RSU1: variants seen among roughly 807,000 people sequenced by gnomAD.
RSU1 encodes Ras suppressor protein 1, also known as rsu-1.
Under a neutral mutation model 31.1 loss-of-function variants are expected in RSU1, and 26 were observed. The ratio of observed to expected loss-of-function variants is 0.84; its 90% confidence interval spans 0.61 to 1.16. RSU1 has a LOEUF of 1.16. Among genes scored for constraint, RSU1 ranks in the 50% most tolerant of loss-of-function variants. RSU1 has a pLI of 0.00. For synonymous variants in RSU1, 164 were observed against 136.3 expected, an observed-to-expected ratio of 1.20 and a Z score of -1.41; for missense variants, 320 against 339.1, an observed-to-expected ratio of 0.94 and a Z score of 0.44.
At chr10:16,810,759 T>C (rs1290312980) in intron 2 of RSU1, among the ~76,000 whole-genome samples, 1 of 152,192 alleles carries the variant, frequency 6.6e-6, no homozygotes, top group African/African-American at 2.4e-5. Flanking sequence ...TAATAATGTT[T>C]CACTCAACAA....
Position 16,592,168 on chromosome 10 carries a change from G to T in RSU1, c.*1226C>A, listed in dbSNP as rs1162285918. 6.6e-6 allele frequency: 1 copy of T among 151,294 alleles called. No homozygotes were observed. The highest frequency in any genetic ancestry group is 6.6e-5 in the Admixed American group (1 of 15,244). 9.4% of individuals were successfully genotyped at this position (151,294 alleles called of 1,614,324 possible). ...ATTTTATATGCCCCAGTGGGTCCTG[G>T]TCTTGGGAGCTCAACTGGGAAGCCG... On this transcript the variant is annotated 3_prime_UTR_variant, in exon 9 of 9. Transcript: ENST00000345264.
rs1027974639 is a variant in RSU1, at chr10:16,591,663, G to A, written c.*1731C>T. The stretch of plus-strand genomic sequence containing the variant: ...CGATGATTGCTTCATGTTTCTGGGA[G>A]GTATTTCGTTCCTGTGCGTTTCTGG... On this transcript the variant is annotated 3_prime_UTR_variant, in exon 9 of 9. Transcript: ENST00000345264. 2 of 151,994 alleles carry A rather than the reference G, an allele frequency of 1.3e-5. No individual in the cohort carries two copies. The highest frequency in any genetic ancestry group is 4.8e-5 in the African/African-American group (2 of 41,372). The allele number at this position is 151,994 out of a possible 1,614,324, so 9.4% of individuals were successfully genotyped here. A position where few individuals can be genotyped will look rare whatever the true frequency, so the allele number is the denominator to read the frequency against.
At chr10:16,667,096 A>C (rs1475311015) in intron 8 of RSU1, among the ~76,000 whole-genome samples, 1 of 152,204 alleles carries the variant, frequency 6.6e-6, no homozygotes, top group East Asian at 1.9e-4. Flanking sequence ...ATTACCACTG[A>C]GTCATAAAGA....
intron 2 of RSU1, among the ~76,000 whole-genome samples, chr10:16,812,458 A>C (rs1838429384): frequency 1.3e-5 from 2 of 152,272 alleles, no homozygotes; most frequent in East Asian, 1.9e-4. Context: ...AAAAAACAAA[A>C]ATTAAAAAAC....
chr10:16,603,773 G>T (rs1833751162), intron 8 of RSU1, among the ~76,000 whole-genome samples: 2 of 152,174 alleles, frequency 1.3e-5, no homozygotes, highest in East Asian at 3.9e-4. Flanking sequence ...TGAAAAGAAA[G>T]AATCATTTTA....
intron 7 of RSU1, among the ~76,000 whole-genome samples, chr10:16,709,308 C>G (rs1427311823): frequency 6.6e-6 from 1 of 152,094 alleles, no homozygotes; most frequent in Non-Finnish European, 1.5e-5. Flanking sequence ...ATCCATGTAC[C>G]TACAAAGGAC....
chr10:16,782,737 G>T (rs1310343893), intron 2 of RSU1, among the ~76,000 whole-genome samples: 1 of 152,028 alleles, frequency 6.6e-6, no homozygotes, highest in African/African-American at 2.4e-5. Flanking sequence ...GTAAGATTAG[G>T]TTTGCTTAAA....
intron 8 of RSU1, among the ~76,000 whole-genome samples, chr10:16,689,649 C>T (rs147285630): frequency 1.3e-5 from 2 of 152,134 alleles, no homozygotes; most frequent in South Asian, 4.2e-4. Flanking sequence ...AAGAGGAATT[C>T]TCAGCTTTTA....
In RSU1 at chr10:16,691,788, G is replaced by GC. The variant is rs577897302; in HGVS notation, c.731+3234dup. 2.4e-3 allele frequency among the ~76,000 whole-genome samples: 341 copies of GC among 142,644 alleles called. 2 individuals are homozygous for GC. The highest frequency in any genetic ancestry group is 8.4e-3 in the African/African-American group (318 of 38,008). 93.6% of individuals were successfully genotyped at this position (142,644 alleles called of 152,430 possible). On this transcript the variant is annotated intron_variant, in intron 8 of 8. Transcript: ENST00000345264. ...TTCACTATGTCACCCAGGCTGGAGTGCAGTGGCGCCATCTATCTCAACTCA... is the reference window on the plus strand; with the variant it reads ...TTCACTATGTCACCCAGGCTGGAGTGCCAGTGGCGCCATCTATCTCAACTCA...
At chr10:16,779,160 C>CA (rs1205917099) in intron 3 of RSU1, among the ~76,000 whole-genome samples, 1 of 152,200 alleles carries the variant, frequency 6.6e-6, no homozygotes, top group African/African-American at 2.4e-5. Context: ...CCGCTGACTT[C>CA]AAAAACCCAT....
Position 16,735,097 on chromosome 10 carries a change from G to T in RSU1, c.598+17442C>A, listed in dbSNP as rs183586074. ...GAACACAAGAAAATTTATTTCTGTT[G>T]CTTAAGTCACCCAGTCTTTGGCACT... On this transcript the variant is annotated intron_variant, in intron 7 of 8. Coordinates refer to ENST00000345264, the MANE Select transcript of RSU1 (RefSeq NM_012425.4). Among the ~76,000 whole-genome samples the T allele has an allele frequency of 2.2e-3, 331 of 152,294 alleles. 2 individuals carry two copies. The highest frequency in any genetic ancestry group is 7.2e-3 in the African/African-American group (300 of 41,562).
chr10:16,597,101 A>G (rs1019186108), intron 8 of RSU1, among the ~76,000 whole-genome samples: 1 of 152,198 alleles, frequency 6.6e-6, no homozygotes, highest in Non-Finnish European at 1.5e-5. Flanking sequence ...GAGTGTAAGG[A>G]AAGAGTCTTG....
intron 8 of RSU1, among the ~76,000 whole-genome samples, chr10:16,604,295 G>A (rs542066241): frequency 7.2e-5 from 11 of 152,252 alleles, no homozygotes; most frequent in Admixed American, 2.0e-4. Context: ...AGACCAGTGC[G>A]CCTCGACTAT....
chr10:16,615,017 A>G (rs77494938), intron 8 of RSU1, among the ~76,000 whole-genome samples: 5 of 152,338 alleles, frequency 3.3e-5, no homozygotes, highest in Admixed American at 1.3e-4. Context: ...GATGGGATCA[A>G]ATTCACACAT....
intron 8 of RSU1, among the ~76,000 whole-genome samples, chr10:16,626,835 C>G (rs567569727): frequency 3.3e-5 from 5 of 152,090 alleles, no homozygotes; most frequent in Non-Finnish European, 7.4e-5. Flanking sequence ...GTTTGGATGC[C>G]AGATGTCTTT....
chr10:16,742,521 T>C (rs895755034), intron 7 of RSU1, among the ~76,000 whole-genome samples: 4 of 151,840 alleles, frequency 2.6e-5, no homozygotes, highest in South Asian at 2.1e-4. Flanking sequence ...ATATAGGAGA[T>C]GCCTCAAAGG....
At chr10:16,604,501 G>T (rs921725717) in intron 8 of RSU1, among the ~76,000 whole-genome samples, 3 of 152,080 alleles carry the variant, frequency 2.0e-5, no homozygotes, top group Admixed American at 1.3e-4. Flanking sequence ...ATCCACACCT[G>T]CACGGTCCAG....
intron 2 of RSU1, among the ~76,000 whole-genome samples, chr10:16,785,439 T>TACACATATATACATATATAC (rs1837761707): frequency 1.6e-5 from 2 of 128,382 alleles, no homozygotes; most frequent in Non-Finnish European, 3.1e-5. Flanking sequence ...TATATATATA[T>TACACATATATACATATATAC]ACACATATAT....
At chr10:16,669,544 G>A (rs1282995883) in intron 8 of RSU1, among the ~76,000 whole-genome samples, 1 of 152,052 alleles carries the variant, frequency 6.6e-6, no homozygotes, top group Non-Finnish European at 1.5e-5. Context: ...CTTCCTAACA[G>A]TGACACTCAT....
Sources: gnomAD v4.1 joint callset for allele counts (sites outside exome capture counted in the v4.1 genomes callset) on GRCh38, gnomAD v4.1.1 for gene constraint, MANE v1.5 for transcripts, NCBI Gene and HGNC (gene_info 2026-07-23, HGNC 2026-07-21) for gene names.